Variants in COL14A1 observed in about 807,000 individuals in gnomAD.
The protein encoded by COL14A1 is collagen alpha-1(XIV) chain.
A neutral mutation model predicts 230.3 loss-of-function variants in COL14A1; 136 were observed. That is an observed-to-expected ratio of 0.59 (90% CI 0.51 to 0.68). COL14A1 has a LOEUF of 0.68. COL14A1 is among the 30% of genes least tolerant of loss of function. The pLI, the probability that COL14A1 is intolerant of heterozygous loss-of-function variation, is 0.00. For missense variants in COL14A1, 1,976 were observed against 2,215.8 expected, an observed-to-expected ratio of 0.89 and a Z score of 2.17; for synonymous variants, 792 against 784.1, an observed-to-expected ratio of 1.01 and a Z score of -0.17.
chr8:120,184,223 A>AGATTGATT (rs1410977898), intron 5 of COL14A1, among the ~76,000 whole-genome samples: 2 of 104,262 alleles, frequency 1.9e-5, no homozygotes, highest in South Asian at 3.7e-4. Context: ...GGGGGGGAAG[A>AGATTGATT]GATTTATTTA....
At chr8:120,182,524 G>C (rs974174739) in intron 5 of COL14A1, among the ~76,000 whole-genome samples, 1 of 152,080 alleles carries the variant, frequency 6.6e-6, no homozygotes, top group South Asian at 2.1e-4. Context: ...GCCAGATCAT[G>C]TAGTATTATA....
At chr8:120,335,210 G>A (rs1261996215) in intron 42 of COL14A1, among the ~76,000 whole-genome samples, 5 of 152,282 alleles carry the variant, frequency 3.3e-5, no homozygotes, top group South Asian at 2.1e-4. Flanking sequence ...CCTGCTCACC[G>A]ATCTGGCCTT....
intron 45 of COL14A1, among the ~76,000 whole-genome samples, chr8:120,363,491 A>G (rs1461080668): frequency 6.6e-6 from 1 of 152,226 alleles, no homozygotes; most frequent in Non-Finnish European, 1.5e-5. Flanking sequence ...AACCTAGGTG[A>G]TGTGTTGATA....
At chr8:120,249,084 G>A (rs1337020538) in intron 21 of COL14A1, among the ~76,000 whole-genome samples, 11 of 133,320 alleles carry the variant, frequency 8.3e-5, no homozygotes, top group African/African-American at 2.9e-4. Context: ...CCGCCACCAC[G>A]CCCGGCTAAT....
intron 24 of COL14A1, among the ~76,000 whole-genome samples, chr8:120,264,948 C>A (rs554902993): frequency 2.0e-5 from 3 of 152,234 alleles, no homozygotes; most frequent in African/African-American, 7.2e-5. Flanking sequence ...AGGGTTAAAT[C>A]CAATTTGGAT....
intron 4 of COL14A1, among the ~76,000 whole-genome samples, chr8:120,166,051 A>G (rs921732116): frequency 6.6e-6 from 1 of 152,196 alleles, no homozygotes; most frequent in African/African-American, 2.4e-5. Flanking sequence ...AATGAGGGTC[A>G]GTGGGGCCAG....
chr8:120,303,908 C>T (rs141804834), intron 36 of COL14A1, among the ~76,000 whole-genome samples: 279 of 152,088 alleles, frequency 1.8e-3, no homozygotes, highest in Middle Eastern at 6.8e-3. Flanking sequence ...ATTATGGATT[C>T]AATTTTAGAC....
intron 1 of COL14A1, among the ~76,000 whole-genome samples, chr8:120,129,999 A>G (rs1461300704): frequency 3.9e-5 from 6 of 152,194 alleles, no homozygotes. Context: ...CCTCAATAAG[A>G]TGAGGGACAG....
At chr8:120,221,348 T>C (rs760542392) in intron 14 of COL14A1, among the ~76,000 whole-genome samples, 1 of 152,140 alleles carries the variant, frequency 6.6e-6, no homozygotes, top group Non-Finnish European at 1.5e-5. Flanking sequence ...TTCCTCAAAT[T>C]TTTCTTCTAC....
At position 120,270,045 on chromosome 8, in the gene COL14A1, G is replaced by A. The variant is rs2305608; in HGVS notation, c.3084G>A (p.Ala1028=). The change falls in exon 26 of 48, where the codon GCG becomes GCA. Residue 1028 remains alanine, a synonymous_variant. Transcript: ENST00000297848. The part of the protein sequence containing the change: ...TIPPAKEVCK[A]AKADLVFMVD... ...ATTGTTGGTCTTCAGTATGTAAGGC[G>A]GCCAAGGCTGACCTGGTATTTATGG... The A allele has an allele frequency of 2.4e-4, 381 of 1,610,916 alleles. 2 individuals are homozygous for A. In the East Asian group the frequency reaches 7.1e-3, roughly 30 times the overall value.
chr8:120,269,312 T>C (rs536368940), intron 25 of COL14A1, among the ~76,000 whole-genome samples: 1 of 151,960 alleles, frequency 6.6e-6, no homozygotes, highest in South Asian at 2.1e-4. Flanking sequence ...TAAAAAATGT[T>C]CTCAGTAGAG....
chr8:120,244,526 C>A (rs1818706443), intron 20 of COL14A1, among the ~76,000 whole-genome samples: 1 of 152,064 alleles, frequency 6.6e-6, no homozygotes. Context: ...GTCTCTTATC[C>A]CTCATCCCCT....
chr8:120,298,577 T>C (rs1458491112), intron 35 of COL14A1, among the ~76,000 whole-genome samples: 1 of 135,694 alleles, frequency 7.4e-6, no homozygotes, highest in Non-Finnish European at 1.6e-5. Flanking sequence ...ACTGATGGGA[T>C]GTGTGTATAC....
rs1245659845 is a variant in COL14A1 at position 120,371,278 on chromosome 8, A to C, written c.*47A>C. 2 of 1,476,810 alleles carry C rather than the reference A, an allele frequency of 1.4e-6. No individual in the cohort carries two copies. The highest frequency in any genetic ancestry group is 1.8e-5 in the Admixed American group (1 of 55,348). The allele number at this position is 1,476,810 out of a possible 1,614,324, so 91.5% of individuals were successfully genotyped here. Reference sequence around the variant, plus strand: ...GACCAACTGCAAGAACTCTTAAGGAATCTTGTTTGAGAAAATGTTGTTATG... The same window carrying C: ...GACCAACTGCAAGAACTCTTAAGGACTCTTGTTTGAGAAAATGTTGTTATG... On this transcript the variant is annotated 3_prime_UTR_variant, in exon 48 of 48. Coordinates refer to ENST00000297848, the MANE Select transcript of COL14A1 (RefSeq NM_021110.4).
chr8:120,239,839 T>G (rs200477322), intron 19 of COL14A1, among the ~76,000 whole-genome samples: 1 of 91,182 alleles, frequency 1.1e-5, no homozygotes, highest in Non-Finnish European at 2.1e-5. Flanking sequence ...TTTGTTTTTT[T>G]TTTGTTTGTT....
chr8:120,272,660 A>T (rs1819705497), intron 26 of COL14A1, among the ~76,000 whole-genome samples: 1 of 151,724 alleles, frequency 6.6e-6, no homozygotes, highest in Admixed American at 6.6e-5. Flanking sequence ...TGTCAGATAA[A>T]ACAGACTTTA....
At chr8:120,126,962 CAATT>C (rs1221796109) in intron 1 of COL14A1, among the ~76,000 whole-genome samples, 3 of 152,168 alleles carry the variant, frequency 2.0e-5, no homozygotes, top group African/African-American at 4.8e-5. Context: ...ATATACCTCT[CAATT>C]AACCAATTTA....
intron 37 of COL14A1, among the ~76,000 whole-genome samples, chr8:120,312,134 A>G (rs929449549): frequency 6.6e-6 from 1 of 151,972 alleles, no homozygotes; most frequent in Admixed American, 6.6e-5. Flanking sequence ...ACTATTATAT[A>G]TTAAAATGAT....
At chr8:120,249,139 C>T (rs540883066) in intron 21 of COL14A1, among the ~76,000 whole-genome samples, 5 of 147,812 alleles carry the variant, frequency 3.4e-5, no homozygotes, top group African/African-American at 1.3e-4. Flanking sequence ...ACCGTGGTCT[C>T]GATCTCCTGA....
Sources: gnomAD v4.1 joint callset for allele counts (sites outside exome capture counted in the v4.1 genomes callset) on GRCh38, gnomAD v4.1.1 for gene constraint, MANE v1.5 for transcripts, NCBI Gene and HGNC (gene_info 2026-07-23, HGNC 2026-07-21) for gene names.